DGKB: variants seen among roughly 807,000 people sequenced by gnomAD.
DGKB encodes the protein diacylglycerol kinase beta.
In DGKB, 67 loss-of-function variants were observed where a neutral mutation model predicts 114.3. That is an observed-to-expected ratio of 0.59 (90% CI 0.48 to 0.72). The LOEUF is 0.72. Ranked by LOEUF, DGKB falls within the 30% of genes least tolerant of loss-of-function variation. The pLI, the probability that DGKB is intolerant of heterozygous loss-of-function variation, is 0.00. For synonymous variants in DGKB, 398 were observed against 323.1 expected, an observed-to-expected ratio of 1.23 and a Z score of -2.49; for missense variants, 907 against 975.2, an observed-to-expected ratio of 0.93 and a Z score of 0.93.
At chr7:14,357,949 G>A (rs1484271737) in intron 21 of DGKB, among the ~76,000 whole-genome samples, 1 of 152,126 alleles carries the variant, frequency 6.6e-6, no homozygotes, top group African/African-American at 2.4e-5. Context: ...TAGAGTTTCT[G>A]CAGAGAGATC....
chr7:14,646,381 T>G (rs1179599202), intron 13 of DGKB, among the ~76,000 whole-genome samples: 2 of 152,128 alleles, frequency 1.3e-5, no homozygotes, highest in African/African-American at 2.4e-5. Context: ...GAGACCATAA[T>G]ACAATAATAG....
At chr7:14,480,435 G>A (rs1363334923) in intron 20 of DGKB, among the ~76,000 whole-genome samples, 1 of 152,074 alleles carries the variant, frequency 6.6e-6, no homozygotes, top group Non-Finnish European at 1.5e-5. Flanking sequence ...TCATTTGGAT[G>A]AGAATTCAGA....
At chr7:14,692,954 T>C (rs1823137953) in intron 9 of DGKB, among the ~76,000 whole-genome samples, 1 of 152,190 alleles carries the variant, frequency 6.6e-6, no homozygotes, top group Non-Finnish European at 1.5e-5. Context: ...AAAGCCCATT[T>C]ATATATTCCT....
At chr7:14,631,381 A>G (rs762813496) in intron 13 of DGKB, among the ~76,000 whole-genome samples, 40 of 152,078 alleles carry the variant, frequency 2.6e-4, no homozygotes, top group South Asian at 8.3e-4. Flanking sequence ...CAAAAGTGAC[A>G]CAGAAGGAGA....
At chr7:14,748,864 T>C (rs956371025) in intron 4 of DGKB, among the ~76,000 whole-genome samples, 65 of 152,308 alleles carry the variant, frequency 4.3e-4, no homozygotes, top group African/African-American at 1.5e-3. Context: ...TCAACTATTA[T>C]AGATAAAGCA....
At chr7:14,765,819 T>C (rs1302938000) in intron 2 of DGKB, among the ~76,000 whole-genome samples, 1 of 151,932 alleles carries the variant, frequency 6.6e-6, no homozygotes, top group African/African-American at 2.4e-5. Flanking sequence ...GAGATACTAT[T>C]AGGGACAGAA....
chr7:14,368,343 C>T (rs1409314768), intron 21 of DGKB, among the ~76,000 whole-genome samples: 1 of 152,080 alleles, frequency 6.6e-6, no homozygotes, highest in Non-Finnish European at 1.5e-5. Flanking sequence ...AGAATAATTT[C>T]ACTGCTTTAA....
intron 13 of DGKB, among the ~76,000 whole-genome samples, chr7:14,665,267 A>C (rs1817833456): frequency 1.3e-5 from 2 of 151,982 alleles, no homozygotes; most frequent in Non-Finnish European, 2.9e-5. Flanking sequence ...TTCCTTAGGA[A>C]ACTAATGTAG....
intron 1 of DGKB, among the ~76,000 whole-genome samples, chr7:14,928,253 G>A (rs939878266): frequency 6.6e-6 from 1 of 151,868 alleles, no homozygotes; most frequent in South Asian, 2.1e-4. Flanking sequence ...CTATTTAGTT[G>A]TAATCATGGA....
chr7:14,410,315 A>G (rs568671407), intron 21 of DGKB, among the ~76,000 whole-genome samples: 1 of 151,908 alleles, frequency 6.6e-6, no homozygotes, highest in African/African-American at 2.4e-5. Flanking sequence ...ATAGTTGTAT[A>G]TTTTTATAAA....
At chr7:14,650,866 C>G (rs1199406598) in intron 13 of DGKB, among the ~76,000 whole-genome samples, 1 of 151,696 alleles carries the variant, frequency 6.6e-6, no homozygotes, top group East Asian at 1.9e-4. Context: ...ATAATACAAA[C>G]ACCTCTACGC....
chr7:14,904,502 T>A (rs545334248), upstream of DGKB, among the ~76,000 whole-genome samples: 1 of 152,122 alleles, frequency 6.6e-6, no homozygotes, highest in Admixed American at 6.6e-5. Flanking sequence ...CCCAAAAGGA[T>A]TAAATAATAC....
At chr7:14,618,270 A>C (rs920669721) in intron 15 of DGKB, among the ~76,000 whole-genome samples, 3 of 151,638 alleles carry the variant, frequency 2.0e-5, no homozygotes, top group Admixed American at 2.0e-4. Flanking sequence ...CAAGAATAAG[A>C]TATTACAAAT....
intron 25 of DGKB, among the ~76,000 whole-genome samples, chr7:14,166,653 T>C (rs2128230385): frequency 6.6e-6 from 1 of 152,294 alleles, no homozygotes; most frequent in East Asian, 1.9e-4. Flanking sequence ...ATGAAGCAGA[T>C]ATCTGAAGTT....
intron 20 of DGKB, among the ~76,000 whole-genome samples, chr7:14,529,231 T>C (rs1791151422): frequency 6.6e-6 from 1 of 151,948 alleles, no homozygotes; most frequent in Admixed American, 6.6e-5. Flanking sequence ...GTAGGCTGAA[T>C]GTAGAAATTT....
chr7:14,863,696 A>G (rs1586992201), intron 1 of DGKB, among the ~76,000 whole-genome samples: 1 of 152,214 alleles, frequency 6.6e-6, no homozygotes, highest in Non-Finnish European at 1.5e-5. Context: ...TGTACATTAT[A>G]GAAAGATTCA....
Position 14,682,584 on chromosome 7 carries a change from G to C in DGKB, c.1004C>G (p.Thr335Arg). The change falls in exon 12 of 26, where the codon ACA becomes AGA. Residue 335 changes from threonine (T) to arginine (R), a missense_variant. Transcript: ENST00000402815. ...HKTVKCYQGL[T>R]GLHCVWCQIT... ...CTGACACCAAACACAATGCAGTCCTGTCAGGCCCTGGTAACATTTAACAGT... is the reference window on the plus strand; with the variant it reads ...CTGACACCAAACACAATGCAGTCCTCTCAGGCCCTGGTAACATTTAACAGT... 1 of 1,613,390 alleles carries C rather than the reference G, an allele frequency of 6.2e-7. No individual in the cohort carries two copies. The highest frequency in any genetic ancestry group is 8.5e-7 in the Non-Finnish European group (1 of 1,179,460).
chr7:14,483,210 T>C (rs183010222), intron 20 of DGKB, among the ~76,000 whole-genome samples: 3 of 152,264 alleles, frequency 2.0e-5, no homozygotes, highest in Admixed American at 1.3e-4. Context: ...TTGATATCGA[T>C]TGGAACCAGT....
intron 1 of DGKB, among the ~76,000 whole-genome samples, chr7:14,879,260 G>A (rs1340168160): frequency 6.6e-6 from 1 of 151,792 alleles, no homozygotes; most frequent in Admixed American, 6.6e-5. Context: ...TTAGATTCCT[G>A]ATTTGTCTAT....
Sources: gnomAD v4.1 joint callset for allele counts (sites outside exome capture counted in the v4.1 genomes callset) on GRCh38, gnomAD v4.1.1 for gene constraint, MANE v1.5 for transcripts, NCBI Gene and HGNC (gene_info 2026-07-23, HGNC 2026-07-21) for gene names.